PLXNA1: variants seen among roughly 807,000 people sequenced by gnomAD.
PLXNA1 encodes the protein plexin A1, also known as plexin-A1.
Under a neutral mutation model 191.7 loss-of-function variants are expected in PLXNA1, and 77 were observed. That is an observed-to-expected ratio of 0.40 (90% CI 0.33 to 0.49). PLXNA1 has a LOEUF of 0.49. Ranked by LOEUF, PLXNA1 falls within the 20% of genes least tolerant of loss-of-function variation. The pLI is 0.63. For missense variants in PLXNA1, 2,110 were observed against 2,660.2 expected (o/e 0.79, Z 4.55); for synonymous variants, 1,137 against 1,156.4 (o/e 0.98, Z 0.34).
At chr3:127,023,014 C>G (rs1268591439) in intron 23 of PLXNA1, among the ~76,000 whole-genome samples, 196 bp downstream of exon 23, 4 of 152,196 alleles carry the variant, frequency 2.6e-5, no homozygotes, top group Admixed American at 1.3e-4. Context: ...CTCCCTCCTT[C>G]TGAGGCTGTC....
chr3:127,029,336 G>A lies in PLXNA1; in HGVS notation c.4774-104G>A. 4 of 1,102,056 alleles carry A rather than the reference G, an allele frequency of 3.6e-6. No homozygotes were observed. In the South Asian group the frequency reaches 5.1e-5, roughly 14 times the overall value. 68.3% of individuals were successfully genotyped at this position (1,102,056 alleles called of 1,614,324 possible). A position where few individuals can be genotyped will look rare whatever the true frequency, so the allele number is the denominator to read the frequency against. On this transcript the variant is annotated intron_variant, in intron 26 of 31. Coordinates refer to ENST00000393409, the MANE Select transcript of PLXNA1 (RefSeq NM_032242.4). ...AGACTGAGTGAGGTGGCTGCCTCCA[G>A]GCACAGCACTAGGGTGTCACCGGGG...
At chr3:126,987,708 T>C (rs7616319) in intron 1 of PLXNA1, among the ~76,000 whole-genome samples, 151,887 of 152,114 alleles carry the variant, frequency 1, 75,830 homozygotes, top group Middle Eastern at 1. Flanking sequence ...GCAGGACTGG[T>C]GGCTTGGATA....
rs1434048788 is a variant in PLXNA1 at position 127,004,603 on chromosome 3, C to T, written c.1519-8C>T. 1.3e-6 allele frequency: 2 copies of T among 1,559,972 alleles called. No homozygotes were observed. The highest frequency in any genetic ancestry group is 1.7e-6 in the Non-Finnish European group (2 of 1,151,416). On this transcript the variant is annotated splice_region_variant and splice_polypyrimidine_tract_variant and intron_variant, in intron 4 of 31. Coordinates refer to ENST00000393409, the MANE Select transcript of PLXNA1 (RefSeq NM_032242.4). The stretch of plus-strand genomic sequence containing the variant: ...TACTGGAGGGGCCTGACACCTCCCC[C>T]ACACCAGGTGACGCGGGTGCCTGTG...
At chr3:126,996,153 C>T (rs2079014033) in intron 3 of PLXNA1, among the ~76,000 whole-genome samples, 2 of 152,176 alleles carry the variant, frequency 1.3e-5, no homozygotes, top group Non-Finnish European at 2.9e-5. Context: ...CATTAGTTGC[C>T]ATCCCTGAGC....
intron 23 of PLXNA1, chr3:127,027,367 T>C (rs1315063139): frequency 8.9e-6 from 3 of 337,234 alleles, no homozygotes; most frequent in African/African-American, 6.5e-5. Flanking sequence ...TGGGCAAGCC[T>C]CCTCAGGTGG....
intron 27 of PLXNA1, 87 bp downstream of exon 27, chr3:127,029,623 C>G: frequency 7.1e-7 from 1 of 1,401,496 alleles, no homozygotes; most frequent in Non-Finnish European, 1.0e-6. Flanking sequence ...CTGCAGCAGC[C>G]GGACGGGAGG....
At position 126,988,957 on chromosome 3, in the gene PLXNA1, T is replaced by C; in HGVS notation, c.364T>C (p.Tyr122His). The change falls in exon 2 of 32, where the codon TAT becomes CAT. Residue 122 changes from tyrosine to histidine, a missense_variant. By Grantham distance (83) the Tyr-to-His change is moderately conservative (BLOSUM62 2). This residue lies in a region of PLXNA1 where 903 missense variants were observed against 1,015.7 expected (regional missense o/e 0.89). Coordinates refer to ENST00000393409, the MANE Select transcript of PLXNA1 (RefSeq NM_032242.4). ...DNVNKLLLLD[Y>H]AANRLLACGS... is the part of the protein sequence containing the mutation. ...CGTCAACAAGCTGCTGCTGCTGGACTATGCCGCTAACCGCCTGCTGGCCTG... is the reference window on the plus strand; with the variant it reads ...CGTCAACAAGCTGCTGCTGCTGGACCATGCCGCTAACCGCCTGCTGGCCTG... 6.2e-7 allele frequency: 1 copy of C among 1,613,240 alleles called. No homozygotes were observed. The highest frequency in any genetic ancestry group is 8.5e-7 in the Non-Finnish European group (1 of 1,180,028).
chr3:127,005,382 C>T (rs761788745), intron 7 of PLXNA1, 139 bp downstream of exon 7: 39 of 1,098,666 alleles, frequency 3.5e-5, no homozygotes, highest in Non-Finnish European at 4.8e-5. Context: ...GGGTGGGGGT[C>T]TCACCACCTG....
intron 27 of PLXNA1, 125 bp downstream of exon 27, chr3:127,029,661 C>G: frequency 8.7e-7 from 1 of 1,154,818 alleles, no homozygotes. Flanking sequence ...AAGCCTGTCA[C>G]TCGCACTCTT....
intron 8 of PLXNA1, among the ~76,000 whole-genome samples, chr3:127,006,672 G>C (rs1257163903): frequency 1.3e-5 from 2 of 152,184 alleles, no homozygotes; most frequent in African/African-American, 4.8e-5. Context: ...TTCTGGTTGT[G>C]GCAGGCTACT....
chr3:127,019,550 C>T (rs1410980233), intron 20 of PLXNA1, among the ~76,000 whole-genome samples: 3 of 152,196 alleles, frequency 2.0e-5, no homozygotes, highest in East Asian at 1.9e-4. Flanking sequence ...GATAACTAGA[C>T]GCCTGGCAGC....
At chr3:126,994,882 C>T (rs918403129) in intron 3 of PLXNA1, among the ~76,000 whole-genome samples, 6 of 152,044 alleles carry the variant, frequency 3.9e-5, no homozygotes, top group Admixed American at 1.3e-4. Flanking sequence ...AGGGCTTCTC[C>T]TTCCCTGAGG....
chr3:127,026,153 G>T (rs73196571), intron 23 of PLXNA1, among the ~76,000 whole-genome samples: 13,683 of 152,280 alleles, frequency 0.09, 803 homozygotes, highest in Middle Eastern at 0.22. Context: ...GATTGAGGCT[G>T]CGACAAGAAA....
intron 7 of PLXNA1, 38 bp downstream of exon 7, chr3:127,005,281 C>G (rs1559958142): frequency 1.3e-6 from 2 of 1,573,382 alleles, no homozygotes; most frequent in African/African-American, 1.3e-5. Context: ...GCTGCCTGGC[C>G]AGGTCCAGGG....
At chr3:127,018,595 A>G in intron 20 of PLXNA1, 67 bp downstream of exon 20, 1 of 1,260,432 alleles carries the variant, frequency 7.9e-7, no homozygotes, top group East Asian at 2.4e-5. Context: ...CTGTCCCCAC[A>G]CCTACTTCCC....
rs188306608 is a variant in PLXNA1 at position 126,991,025 on chromosome 3, A to G, written c.1195-359A>G. 1.1e-3 allele frequency among the ~76,000 whole-genome samples: 171 copies of G among 152,180 alleles called. 1 individual carries two copies. Among genetic ancestry groups the G allele is most frequent in the African/African-American group, 3.9e-3 (162 of 41,504 alleles). On this transcript the variant is annotated intron_variant, in intron 2 of 31. Coordinates refer to ENST00000393409, the MANE Select transcript of PLXNA1 (RefSeq NM_032242.4). The stretch of plus-strand genomic sequence containing the variant: ...CTCCTGAGCAGCCTGGCCCCTGCCA[A>G]TGAACCCTCTGCAGACAAGGACCAT...
At position 127,005,227 on chromosome 3, in the gene PLXNA1, C is replaced by T; in HGVS notation, c.1881C>T (p.Pro627=). The stretch of plus-strand genomic sequence containing the variant: ...CACCCTCCGCCCGGGAGGTGGCGCC[C>T]ATCACGCGGGGCCAGGGTGAGTGGC... The part of the protein sequence containing the change: ...CRSPSAREVA[P]ITRGQGDQRV... Residue 627 remains proline (P), a synonymous_variant, in exon 7 of 32, where the codon CCC becomes CCT. Coordinates refer to ENST00000393409, the MANE Select transcript of PLXNA1 (RefSeq NM_032242.4). The T allele has an allele frequency of 6.2e-7, 1 of 1,608,832 alleles. No individual in the cohort carries two copies. Among genetic ancestry groups the T allele is most frequent in the Non-Finnish European group, 8.5e-7 (1 of 1,178,286 alleles).
At position 127,005,019 on chromosome 3, in the gene PLXNA1, C is replaced by T. The variant is rs189195790; in HGVS notation, c.1743+11C>T. ...ATGTCCCAGGTCCCAGTAAGTGTGG[C>T]ACCCCAGGTGGTAAGGGGTGGGGGA... is the stretch of plus-strand genomic sequence containing the variant. On this transcript the variant is annotated intron_variant, in intron 6 of 31. Transcript: ENST00000393409. The T allele has an allele frequency of 7.5e-6, 12 of 1,608,350 alleles. No individual in the cohort carries two copies. The highest frequency in any genetic ancestry group is 4.5e-5 in the East Asian group (2 of 44,762).
intron 23 of PLXNA1, among the ~76,000 whole-genome samples, chr3:127,025,460 A>G (rs1409449152): frequency 6.6e-6 from 1 of 152,226 alleles, no homozygotes; most frequent in African/African-American, 2.4e-5. Context: ...AATACACATG[A>G]CATAAAATTT....
Sources: allele counts gnomAD v4.1 joint callset (sites outside exome capture counted in the v4.1 genomes callset), GRCh38; gene constraint gnomAD v4.1.1; regional missense constraint gnomAD v4.1.1; transcripts MANE v1.5; gene names NCBI Gene and HGNC (gene_info 2026-07-23, HGNC 2026-07-21).